CEP57: variants seen among roughly 807,000 people sequenced by gnomAD.
The protein encoded by CEP57 is centrosomal protein of 57 kDa.
Under a neutral mutation model 68.0 loss-of-function variants are expected in CEP57, and 40 were observed. That is an observed-to-expected ratio of 0.59 (90% confidence interval 0.46 to 0.77). The LOEUF (loss-of-function observed/expected upper bound fraction) is 0.77. CEP57 is among the 30% of genes least tolerant of loss of function. The pLI, the probability that CEP57 is intolerant of heterozygous loss-of-function variation, is 0.00. For missense variants in CEP57, 606 were observed against 580.7 expected (o/e 1.04, Z -0.45); for synonymous variants, 219 against 198.7 (o/e 1.10, Z -0.86).
At chr11:95,795,075 G>C (rs1379457755) in intron 1 of CEP57, among the ~76,000 whole-genome samples, 1 of 152,138 alleles carries the variant, frequency 6.6e-6, no homozygotes, top group East Asian at 1.9e-4. Context: ...TGTTACTCAA[G>C]AGAAATATTA....
chr11:95,815,865 AT>A (rs1265651360), intron 4 of CEP57, among the ~76,000 whole-genome samples: 5 of 152,166 alleles, frequency 3.3e-5, no homozygotes, highest in Non-Finnish European at 7.3e-5. Context: ...ATCATTGTGG[AT>A]TATACATTGC....
intron 10 of CEP57, among the ~76,000 whole-genome samples, chr11:95,829,942 T>A (rs919876294): frequency 5.3e-5 from 8 of 152,114 alleles, no homozygotes; most frequent in Non-Finnish European, 1.2e-4. Context: ...GAGGTATGTT[T>A]TGGAAGTAAA....
chr11:95,832,290 T>TG lies in CEP57; in HGVS notation c.*1035dup, dbSNP rs1394854568. 6.6e-6 allele frequency: 1 copy of TG among 152,138 alleles called. No homozygotes were observed. Among genetic ancestry groups the TG allele is most frequent in the African/African-American group, 2.4e-5 (1 of 41,444 alleles). The allele number at this position is 152,138 out of a possible 1,614,324, so 9.4% of individuals were successfully genotyped here. A position where few individuals can be genotyped will look rare whatever the true frequency, so the allele number is the denominator to read the frequency against. On this transcript the variant is annotated 3_prime_UTR_variant, in exon 11 of 11. Coordinates refer to ENST00000325542, the MANE Select transcript of CEP57 (RefSeq NM_014679.5). ...GGCTTTGTGACAAGCTCTCAAAAAA[T>TG]GCATTTCTAAATAGGAGGACATCAA... is the stretch of plus-strand genomic sequence containing the variant.
chr11:95,812,975 C>G lies in CEP57; in HGVS notation c.246C>G (p.Arg82=). ...ALKNLQDKIR[R]LELERIQAEE... ...AGAATCTTCAAGATAAGATTCGACGCTTGGAACTTGAGAGGATTCAGGCAG... is the reference window on the plus strand; with the variant it reads ...AGAATCTTCAAGATAAGATTCGACGGTTGGAACTTGAGAGGATTCAGGCAG... Residue 82 remains arginine, a synonymous_variant, in exon 3 of 11, where the codon CGC becomes CGG. Coordinates refer to ENST00000325542, the MANE Select transcript of CEP57 (RefSeq NM_014679.5). 1 of 1,614,026 alleles carries G rather than the reference C, an allele frequency of 6.2e-7. No homozygotes were observed. The highest frequency in any genetic ancestry group is 8.5e-7 in the Non-Finnish European group (1 of 1,180,012).
intron 1 of CEP57, among the ~76,000 whole-genome samples, chr11:95,796,789 C>T (rs1270855402): frequency 6.6e-6 from 1 of 152,180 alleles, no homozygotes; most frequent in African/African-American, 2.4e-5. Flanking sequence ...TGCATTTCTG[C>T]TCAGCTGACT....
intron 1 of CEP57, among the ~76,000 whole-genome samples, chr11:95,796,775 C>G (rs989609189): frequency 6.6e-6 from 1 of 152,296 alleles, no homozygotes; most frequent in African/African-American, 2.4e-5. Flanking sequence ...GTTCGCAGAG[C>G]ATCTGCATTT....
intron 1 of CEP57, chr11:95,794,206 C>CTTTT: frequency 2.6e-6 from 1 of 391,054 alleles, no homozygotes; most frequent in Non-Finnish European, 5.2e-6. Flanking sequence ...AGTGATTTTT[C>CTTTT]TTTTTTTTTT....
intron 2 of CEP57, among the ~76,000 whole-genome samples, chr11:95,800,432 T>G (rs1248955330): frequency 6.6e-6 from 1 of 152,008 alleles, no homozygotes; most frequent in African/African-American, 2.4e-5. Flanking sequence ...AGTCTCACTC[T>G]GTCACCAGGC....
intron 8 of CEP57, chr11:95,825,802 T>G (rs1862716495): frequency 6.6e-6 from 1 of 152,126 alleles, no homozygotes; most frequent in Admixed American, 6.5e-5. Context: ...TTCTCCATGT[T>G]GGCCAGGCTG....
chr11:95,820,477 G>A (rs1862472303), intron 6 of CEP57, among the ~76,000 whole-genome samples: 1 of 151,056 alleles, frequency 6.6e-6, no homozygotes, highest in Non-Finnish European at 1.5e-5. Flanking sequence ...TGTAATCCTA[G>A]CTACTTGGGA....
intron 4 of CEP57, among the ~76,000 whole-genome samples, chr11:95,813,871 A>C (rs1428307148): frequency 6.6e-6 from 1 of 152,236 alleles, no homozygotes; most frequent in Admixed American, 6.5e-5. Context: ...AAATAACCAT[A>C]TACCTCTGTA....
upstream of CEP57, chr11:95,790,204 C>G (rs1399140222): frequency 5.7e-6 from 1 of 176,946 alleles, no homozygotes; most frequent in Non-Finnish European, 1.2e-5. Flanking sequence ...GGCGTTTAAT[C>G]CGAGGGAACT....
intron 3 of CEP57, 91 bp downstream of exon 3, chr11:95,813,202 G>A: frequency 2.3e-6 from 3 of 1,320,678 alleles, no homozygotes; most frequent in Non-Finnish European, 3.2e-6. Flanking sequence ...GTGTTTTGTA[G>A]CGGTATCTTC....
chr11:95,825,162 A>C (rs1175223001), intron 8 of CEP57, among the ~76,000 whole-genome samples: 1 of 152,174 alleles, frequency 6.6e-6, no homozygotes, highest in Non-Finnish European at 1.5e-5. Flanking sequence ...AAGGGTTCTT[A>C]ATGCTGTGGA....
At position 95,793,856 on chromosome 11, in the gene CEP57, G is replaced by C. The variant is rs547812389; in HGVS notation, c.45+3113G>C. Among the ~76,000 whole-genome samples the C allele has an allele frequency of 8.5e-4, 130 of 152,180 alleles. 1 individual carries two copies. The highest frequency in any genetic ancestry group is 3.1e-3 in the African/African-American group (127 of 41,518). On this transcript the variant is annotated intron_variant, in intron 1 of 10. Coordinates refer to ENST00000325542, the MANE Select transcript of CEP57 (RefSeq NM_014679.5). Reference sequence around the variant, plus strand: ...TTTGCCAGATATTAGAAACAATCTTGTATTCATTGTTATATGCTGTACATG... The same window carrying C: ...TTTGCCAGATATTAGAAACAATCTTCTATTCATTGTTATATGCTGTACATG...
rs181479552 is a variant in CEP57, at chr11:95,799,430, G to T, written c.202+42G>T. The T allele has an allele frequency of 2.1e-3, 3,409 of 1,610,980 alleles. 5 individuals are homozygous for T. The highest frequency in any genetic ancestry group is 2.7e-3 in the Non-Finnish European group (3,216 of 1,177,958). On this transcript the variant is annotated intron_variant, in intron 2 of 10. Coordinates refer to ENST00000325542, the MANE Select transcript of CEP57 (RefSeq NM_014679.5). ...AAATAAATGTTATTTGTGTTTTCTTGCTGCTTTAAAATTCTTAACTTTGTC... is the reference window on the plus strand; with the variant it reads ...AAATAAATGTTATTTGTGTTTTCTTTCTGCTTTAAAATTCTTAACTTTGTC...
At chr11:95,813,441 T>A in intron 3 of CEP57, 27 bp from the exon 4 acceptor site, 1 of 1,607,330 alleles carries the variant, frequency 6.2e-7, no homozygotes, top group Non-Finnish European at 8.5e-7. Context: ...TGAGTTGATT[T>A]CTGCTTTTCT....
intron 8 of CEP57, chr11:95,826,171 A>C (rs1289680376): frequency 2.0e-5 from 3 of 152,194 alleles, no homozygotes; most frequent in Non-Finnish European, 4.4e-5. Context: ...TCAACAGTGA[A>C]GATAATGGGG....
intron 8 of CEP57, chr11:95,823,093 G>A (rs1057194): frequency 0.069 from 10,798 of 156,888 alleles, 485 homozygotes; most frequent in Middle Eastern, 0.13. Flanking sequence ...TGAGTGAAGT[G>A]CCTAAAACTG....
Sources: gnomAD v4.1 joint callset for allele counts (sites outside exome capture counted in the v4.1 genomes callset) on GRCh38, gnomAD v4.1.1 for gene constraint, MANE v1.5 for transcripts, NCBI Gene and HGNC (gene_info 2026-07-23, HGNC 2026-07-21) for gene names.